EPB41L3: variants seen among roughly 807,000 people sequenced by gnomAD.
EPB41L3 encodes band 4.1-like protein 3.
Under a neutral mutation model 127.1 loss-of-function variants are expected in EPB41L3, and 57 were observed. The observed-to-expected ratio is 0.45, with a 90% confidence interval of 0.36 to 0.56. The LOEUF (loss-of-function observed/expected upper bound fraction) is 0.56. Ranked by LOEUF, EPB41L3 falls within the 20% of genes least tolerant of loss-of-function variation. The pLI, the probability that EPB41L3 is intolerant of heterozygous loss-of-function variation, is 0.00. For missense variants in EPB41L3, 1,273 were observed against 1,372.2 expected (o/e 0.93, Z 1.14); for synonymous variants, 572 against 549.5 (o/e 1.04, Z -0.57).
chr18:5,465,672 T>C (rs1159606367), intron 3 of EPB41L3, among the ~76,000 whole-genome samples: 1 of 152,158 alleles, frequency 6.6e-6, no homozygotes, highest in African/African-American at 2.4e-5. Context: ...TCACTCTCTC[T>C]ATCACTCACA....
chr18:5,489,487 G>T (rs1039164666), intron 1 of EPB41L3: 3 of 342,202 alleles, frequency 8.8e-6, no homozygotes, highest in Non-Finnish European at 1.6e-5. Context: ...TGACATTAAA[G>T]AAATGTCATA....
chr18:5,399,116 T>A (rs186373983), intron 16 of EPB41L3: 1 of 399,152 alleles, frequency 2.5e-6, no homozygotes, highest in East Asian at 3.6e-5. Flanking sequence ...CCTCTTTAGC[T>A]TTCCCAGTCA....
At position 5,394,745 on chromosome 18, in the gene EPB41L3, A is replaced by C. The variant is rs1293905362; in HGVS notation, c.3202T>G (p.Ser1068Ala). Residue 1068 changes from serine to alanine, a missense_variant, in exon 22 of 23, where the codon TCA becomes GCA. Coordinates refer to ENST00000341928, the MANE Select transcript of EPB41L3 (RefSeq NM_012307.5). ...KEAKEQHPDMSVTKVVVHKET... is the reference protein window; with the variant it reads ...KEAKEQHPDMAVTKVVVHKET... Reference sequence around the variant, plus strand: ...TTATGGACCACTACTTTGGTCACTGACATGTCAGGGTGCTGCTCTTTGGCC... The same window carrying C: ...TTATGGACCACTACTTTGGTCACTGCCATGTCAGGGTGCTGCTCTTTGGCC... The C allele has an allele frequency of 6.2e-7, 1 of 1,614,042 alleles. No homozygotes were observed. Among genetic ancestry groups the C allele is most frequent in the East Asian group, 2.2e-5 (1 of 44,892 alleles).
At chr18:5,416,751 GA>G (rs2076877325) in intron 12 of EPB41L3, among the ~76,000 whole-genome samples, 1 of 152,070 alleles carries the variant, frequency 6.6e-6, no homozygotes. Flanking sequence ...AACTTAACAT[GA>G]AGACTTTCAA....
chr18:5,401,099 G>T, intron 16 of EPB41L3: 1 of 1,075,894 alleles, frequency 9.3e-7, no homozygotes, highest in Non-Finnish European at 1.4e-6. Flanking sequence ...TTTCCAAAAA[G>T]GCAAGTTAGG....
chr18:5,549,365 T>A (rs1239697891), intron 3 of EPB41L3, among the ~76,000 whole-genome samples: 1 of 152,192 alleles, frequency 6.6e-6, no homozygotes, highest in Admixed American at 6.5e-5. Context: ...AATATCTTTG[T>A]CCCTTAAAAT....
At chr18:5,395,795 T>TATCACTATC in intron 19 of EPB41L3, 88 bp from the exon 20 acceptor site, 1 of 939,540 alleles carries the variant, frequency 1.1e-6, no homozygotes, top group African/African-American at 1.6e-5. Context: ...ATTACGACAA[T>TATCACTATC]TTCACTATCT....
intron 1 of EPB41L3, among the ~76,000 whole-genome samples, chr18:5,526,622 C>G (rs1473106787): frequency 6.6e-6 from 1 of 152,090 alleles, no homozygotes; most frequent in Non-Finnish European, 1.5e-5. Context: ...CTCTGCCCTA[C>G]CAAAATGCAT....
rs1194440034 is a variant in EPB41L3, at chr18:5,423,471, T to C, written c.1246A>G (p.Thr416Ala). 1 of 1,613,984 alleles carries C rather than the reference T, an allele frequency of 6.2e-7. No individual in the cohort carries two copies. Among genetic ancestry groups the C allele is most frequent in the Admixed American group, 1.7e-5 (1 of 60,014 alleles). The change falls in exon 11 of 23, where the codon ACG (threonine) becomes GCG (alanine). Residue 416 changes from threonine (T) to alanine (A), a missense_variant. Around this residue, in one of 3 missense-constraint regions of EPB41L3, gnomAD observed 326 missense variants for 440.2 expected, o/e 0.74. Coordinates refer to ENST00000341928, the MANE Select transcript of EPB41L3 (RefSeq NM_012307.5). ...FRYSGRTQAQ[T>A]RRASALIDRP... is the part of the protein sequence containing the mutation. ...TCTATCAACGCACTGGCTCTTCTCG[T>C]TTGCGCTTGTGTCCTGCCACTATAA...
intron 1 of EPB41L3, among the ~76,000 whole-genome samples, chr18:5,621,248 A>T (rs2094858242): frequency 6.6e-6 from 1 of 152,150 alleles, no homozygotes; most frequent in Non-Finnish European, 1.5e-5. Flanking sequence ...CTCAGAGAGG[A>T]TTCAGTTTTG....
chr18:5,517,181 A>G (rs1471020727), intron 1 of EPB41L3, among the ~76,000 whole-genome samples: 3 of 152,122 alleles, frequency 2.0e-5, no homozygotes, highest in African/African-American at 7.2e-5. Context: ...GGATGAATGA[A>G]CAAATCAGAG....
chr18:5,398,680 C>G (rs141262520), intron 16 of EPB41L3: 2 of 399,722 alleles, frequency 5.0e-6, no homozygotes, highest in African/African-American at 4.1e-5. Flanking sequence ...GACTCAGTAA[C>G]GTAATGGGCA....
intron 5 of EPB41L3, among the ~76,000 whole-genome samples, chr18:5,442,599 T>C (rs1369799334): frequency 2.0e-5 from 3 of 152,232 alleles, no homozygotes; most frequent in Non-Finnish European, 4.4e-5. Flanking sequence ...TTGAAAAGTT[T>C]TACTTATTGA....
At chr18:5,555,187 T>C (rs2094016807) in intron 3 of EPB41L3, among the ~76,000 whole-genome samples, 1 of 152,186 alleles carries the variant, frequency 6.6e-6, no homozygotes, top group Non-Finnish European at 1.5e-5. Flanking sequence ...GGTCATTCCT[T>C]CATCGATCTC....
At chr18:5,416,533 T>C (rs2076849486) in intron 12 of EPB41L3, among the ~76,000 whole-genome samples, 155 bp from the exon 13 acceptor site, 1 of 152,230 alleles carries the variant, frequency 6.6e-6, no homozygotes, top group Non-Finnish European at 1.5e-5. Flanking sequence ...TGTTAAAGTA[T>C]TCAAGCTGCA....
At chr18:5,504,189 A>G (rs1392439898) in intron 1 of EPB41L3, among the ~76,000 whole-genome samples, 4 of 152,140 alleles carry the variant, frequency 2.6e-5, no homozygotes, top group African/African-American at 9.7e-5. Flanking sequence ...CAATCTGGAC[A>G]CCTATCCAGA....
intron 1 of EPB41L3, among the ~76,000 whole-genome samples, chr18:5,540,978 G>T (rs1047577337): frequency 4.0e-5 from 6 of 151,562 alleles, no homozygotes; most frequent in Non-Finnish European, 7.4e-5. Flanking sequence ...CCAGCTACTC[G>T]GGAGGCTGAG....
intron 1 of EPB41L3, among the ~76,000 whole-genome samples, chr18:5,515,283 T>C (rs2092704981): frequency 6.6e-6 from 1 of 152,318 alleles, no homozygotes; most frequent in South Asian, 2.1e-4. Context: ...TAGCATTCCC[T>C]AAAAAGTCTT....
intron 6 of EPB41L3, among the ~76,000 whole-genome samples, chr18:5,434,719 T>C (rs1378163267): frequency 6.6e-6 from 1 of 152,256 alleles, no homozygotes; most frequent in Non-Finnish European, 1.5e-5. Flanking sequence ...GACTAGCACA[T>C]ACAATCATGT....
Sources: gnomAD v4.1 joint callset for allele counts (sites outside exome capture counted in the v4.1 genomes callset) on GRCh38, gnomAD v4.1.1 for gene constraint, gnomAD v4.1.1 regional missense constraint, MANE v1.5 for transcripts, NCBI Gene and HGNC (gene_info 2026-07-23, HGNC 2026-07-21) for gene names.